The following CDC123 variants were observed in gnomAD, a reference collection of about 807,000 sequenced individuals.
CDC123 encodes cell division cycle 123.
CDC123 carries 37 observed loss-of-function variants against 54.4 expected under a neutral mutation model. That is an observed-to-expected ratio of 0.68 (90% CI 0.52 to 0.89). The LOEUF (loss-of-function observed/expected upper bound fraction) is 0.89. Ranked by LOEUF, CDC123 falls within the 40% of genes least tolerant of loss-of-function variation. The probability of loss-of-function intolerance (pLI) is 0.00; values close to 1 mark genes in which losing one functional copy is unlikely to be tolerated. For synonymous variants in CDC123, 144 were observed against 136.8 expected (o/e 1.05, Z -0.37); for missense variants, 361 against 412.1 (o/e 0.88, Z 1.07).
At chr10:12,203,676 C>T (rs1350309204) in intron 2 of CDC123, among the ~76,000 whole-genome samples, 2 of 152,068 alleles carry the variant, frequency 1.3e-5, no homozygotes, top group Non-Finnish European at 2.9e-5. Context: ...GAAACGGGCA[C>T]CAAGCTTGAT....
intron 10 of CDC123, chr10:12,244,900 TC>T (rs1836110127): frequency 1.3e-5 from 2 of 152,344 alleles, no homozygotes; most frequent in South Asian, 2.1e-4. Context: ...TCCCAGCTAC[TC>T]GGGAGGCTGA....
chr10:12,244,574 C>T (rs942165727), intron 10 of CDC123, among the ~76,000 whole-genome samples: 1 of 152,074 alleles, frequency 6.6e-6, no homozygotes, highest in Non-Finnish European at 1.5e-5. Context: ...CCAAATTGCC[C>T]ACCTGTGGTT....
At chr10:12,202,888 T>A (rs1239112066) in intron 2 of CDC123, among the ~76,000 whole-genome samples, 1 of 152,080 alleles carries the variant, frequency 6.6e-6, no homozygotes, top group Non-Finnish European at 1.5e-5. Context: ...GGTGGCGCAC[T>A]CCTGTAATCC....
chr10:12,214,822 A>G (rs1835643240), intron 4 of CDC123, among the ~76,000 whole-genome samples: 1 of 151,892 alleles, frequency 6.6e-6, no homozygotes, highest in Non-Finnish European at 1.5e-5. Flanking sequence ...GAAGAAGTTG[A>G]TTACTGGATT....
intron 10 of CDC123, among the ~76,000 whole-genome samples, chr10:12,244,554 A>C (rs1836103144): frequency 6.6e-6 from 1 of 151,606 alleles, no homozygotes; most frequent in African/African-American, 2.4e-5. Context: ...CCTTTCCCTG[A>C]GGAGAGTCAC....
intron 6 of CDC123, among the ~76,000 whole-genome samples, chr10:12,225,241 A>C (rs1003319721): frequency 6.6e-6 from 1 of 152,094 alleles, no homozygotes; most frequent in South Asian, 2.1e-4. Flanking sequence ...CTAAAAATAC[A>C]AAAATTAGCT....
At chr10:12,221,279 G>C (rs184010448) in intron 6 of CDC123, among the ~76,000 whole-genome samples, 2 of 2,720 alleles carry the variant, frequency 7.4e-4, no homozygotes, top group Admixed American at 0.016. Context: ...CACCAAGGTC[G>C]CCAGGGCTCT....
intron 6 of CDC123, among the ~76,000 whole-genome samples, chr10:12,217,698 A>G (rs575290675): frequency 1.4e-4 from 22 of 152,338 alleles, no homozygotes; most frequent in African/African-American, 5.3e-4. Flanking sequence ...TGCCCATTAA[A>G]CATTTCAGTA....
intron 6 of CDC123, among the ~76,000 whole-genome samples, chr10:12,219,308 G>T (rs533136421): frequency 6.6e-6 from 1 of 150,564 alleles, no homozygotes; most frequent in African/African-American, 2.5e-5. Flanking sequence ...ACTTGTATTG[G>T]TATTTCTAGT....
At chr10:12,199,784 T>TA (rs1835413991) in intron 2 of CDC123, among the ~76,000 whole-genome samples, 1 of 152,184 alleles carries the variant, frequency 6.6e-6, no homozygotes, top group Non-Finnish European at 1.5e-5. Context: ...GAAAGTCAGA[T>TA]AAGTCTCAAC....
chr10:12,237,416 TG>T, intron 9 of CDC123, 150 bp downstream of exon 9: 1 of 573,754 alleles, frequency 1.7e-6, no homozygotes, highest in Non-Finnish European at 2.6e-6. Flanking sequence ...TTTGATAGTT[TG>T]TATGTTAATT....
chr10:12,225,747 T>TC (rs1057133239), intron 6 of CDC123, among the ~76,000 whole-genome samples: 2 of 1,758 alleles, frequency 1.1e-3, no homozygotes, highest in African/African-American at 1.9e-3. Flanking sequence ...AGCTTCTCTC[T>TC]TTTTTTTTTT....
At chr10:12,241,566 C>T (rs1197617715) in intron 10 of CDC123, among the ~76,000 whole-genome samples, 1 of 152,122 alleles carries the variant, frequency 6.6e-6, no homozygotes, top group Non-Finnish European at 1.5e-5. Context: ...ATGATGATTT[C>T]CAGAGTTCTT....
intron 2 of CDC123, among the ~76,000 whole-genome samples, chr10:12,199,800 G>T (rs895853049): frequency 5.9e-5 from 9 of 152,010 alleles, no homozygotes; most frequent in African/African-American, 1.9e-4. Context: ...TCAACTTTAG[G>T]ATATTTACAG....
intron 7 of CDC123, 117 bp from the exon 8 acceptor site, chr10:12,234,930 TC>T: frequency 1.4e-6 from 1 of 714,262 alleles, no homozygotes; most frequent in Non-Finnish European, 2.4e-6. Flanking sequence ...GTCATATGCC[TC>T]TTTTTTTAAA....
intron 2 of CDC123, among the ~76,000 whole-genome samples, chr10:12,207,486 T>G (rs1331775764): frequency 1.3e-5 from 2 of 152,012 alleles, no homozygotes; most frequent in Non-Finnish European, 2.9e-5. Context: ...CATCTTGGAG[T>G]TTTTTGTCTG....
At chr10:12,199,139 C>T (rs1835405228) in intron 2 of CDC123, among the ~76,000 whole-genome samples, 1 of 152,198 alleles carries the variant, frequency 6.6e-6, no homozygotes, top group Admixed American at 6.5e-5. Context: ...CAGGCTTTAT[C>T]ATCTAATTCC....
At chr10:12,240,298 G>A (rs1478522243) in intron 10 of CDC123, among the ~76,000 whole-genome samples, 1 of 152,136 alleles carries the variant, frequency 6.6e-6, no homozygotes, top group Non-Finnish European at 1.5e-5. Flanking sequence ...TTGACATTGT[G>A]AAGAAGCTAG....
chr10:12,240,255 G>C (rs898911802), intron 10 of CDC123, among the ~76,000 whole-genome samples: 2 of 152,102 alleles, frequency 1.3e-5, no homozygotes, highest in Non-Finnish European at 2.9e-5. Context: ...AAGAAGTTTA[G>C]GTCACTAAAT....
Sources: gnomAD v4.1 joint callset for allele counts (sites outside exome capture counted in the v4.1 genomes callset) on GRCh38, gnomAD v4.1.1 for gene constraint, MANE v1.5 for transcripts, NCBI Gene and HGNC (gene_info 2026-07-23, HGNC 2026-07-21) for gene names.